The following SPINT2 variants were observed in gnomAD, a reference collection of about 807,000 sequenced individuals.
SPINT2 encodes the protein kunitz-type protease inhibitor 2.
SPINT2 carries 18 observed loss-of-function variants against 30.1 expected under a neutral mutation model. The observed-to-expected ratio is 0.60, with a 90% confidence interval of 0.41 to 0.89. SPINT2 has a LOEUF of 0.89. Ranked by LOEUF, SPINT2 falls within the 40% of genes least tolerant of loss-of-function variation. The pLI, the probability that SPINT2 is intolerant of heterozygous loss-of-function variation, is 0.00. For missense variants in SPINT2, 276 were observed against 334.3 expected, an observed-to-expected ratio of 0.83 and a Z score of 1.36; for synonymous variants, 139 against 137.9, an observed-to-expected ratio of 1.01 and a Z score of -0.05.
At chr19:38,277,798 T>C in intron 1 of SPINT2, among the ~76,000 whole-genome samples, 1 of 152,232 alleles carries the variant, frequency 6.6e-6, no homozygotes, top group Non-Finnish European at 1.5e-5. Context: ...CTTTTGCCAT[T>C]TCTGATGCTT....
chr19:38,264,755 A>G lies in SPINT2; in HGVS notation c.-138A>G, dbSNP rs1968355743. ...AAAGGCGACTTCCGGGGGCTTTGGC[A>G]CCTGGCGGACCCTCCCGGAGCGTCG... On this transcript the variant is annotated 5_prime_UTR_variant, in exon 1 of 7. Transcript: ENST00000301244. The G allele has an allele frequency of 1.1e-6, 1 of 891,994 alleles. No homozygotes were observed. The highest frequency in any genetic ancestry group is 1.7e-6 in the Non-Finnish European group (1 of 591,432). 55.3% of individuals were successfully genotyped at this position (891,994 alleles called of 1,614,324 possible).
chr19:38,278,656 G>A (rs186031803), intron 1 of SPINT2, among the ~76,000 whole-genome samples: 1 of 152,246 alleles, frequency 6.6e-6, no homozygotes, highest in Admixed American at 6.5e-5. Context: ...ATTAAAGTTA[G>A]CCAGGCGTGG....
intron 1 of SPINT2, chr19:38,265,234 A>T: frequency 2.1e-6 from 1 of 466,698 alleles, no homozygotes; most frequent in East Asian, 3.9e-5. Context: ...CGGGTGGAGG[A>T]AGAGTCAAGG....
At chr19:38,269,818 C>T (rs1421882554) in intron 1 of SPINT2, among the ~76,000 whole-genome samples, 1 of 152,116 alleles carries the variant, frequency 6.6e-6, no homozygotes, top group Non-Finnish European at 1.5e-5. Flanking sequence ...ACCGTGTTAG[C>T]CAGGATGGTC....
rs371687394 is a variant in SPINT2, at chr19:38,266,089, G to A, written c.106+1091G>A. On this transcript the variant is annotated intron_variant, in intron 1 of 6. Coordinates refer to ENST00000301244, the MANE Select transcript of SPINT2 (RefSeq NM_021102.4). The stretch of plus-strand genomic sequence containing the variant: ...ATGAAGAATGAGGCAGTAGCCACAC[G>A]GAGACCTGGGGGACCAGTGTCCAGT... Among the ~76,000 whole-genome samples, 3 of 152,212 alleles carry A rather than the reference G, an allele frequency of 2.0e-5. 1 individual carries two copies. The highest frequency in any genetic ancestry group is 1.9e-4 in the East Asian group (1 of 5,200).
At chr19:38,285,289 G>T (rs905807632) in intron 2 of SPINT2, among the ~76,000 whole-genome samples, 1 of 152,208 alleles carries the variant, frequency 6.6e-6, no homozygotes, top group Non-Finnish European at 1.5e-5. Context: ...CTTTGGGGCT[G>T]CTCCATCCCG....
chr19:38,289,599 T>C (rs917397035), intron 4 of SPINT2: 3 of 238,454 alleles, frequency 1.3e-5, no homozygotes, highest in Non-Finnish European at 2.5e-5. Flanking sequence ...GAGGAAGTTG[T>C]AGAGCAGGGC....
At chr19:38,291,530 T>G (rs1968718491) in intron 6 of SPINT2, 1 of 366,066 alleles carries the variant, frequency 2.7e-6, no homozygotes. Flanking sequence ...CTGGGGCTCC[T>G]GTGCAGGTTG....
intron 1 of SPINT2, among the ~76,000 whole-genome samples, chr19:38,266,261 T>C (rs61410367): frequency 1.8e-3 from 269 of 152,110 alleles, no homozygotes; most frequent in African/African-American, 6.2e-3. Context: ...TGCAGCCAGA[T>C]GGCCTAGGGC....
chr19:38,267,274 CTT>C (rs922593970), intron 1 of SPINT2, among the ~76,000 whole-genome samples: 1 of 152,098 alleles, frequency 6.6e-6, no homozygotes, highest in Non-Finnish European at 1.5e-5. Flanking sequence ...GCAGTTTTGA[CTT>C]TTTTTTCCTC....
At position 38,291,991 on chromosome 19, in the gene SPINT2, C is replaced by A; in HGVS notation, c.744C>A (p.Asn248Lys). Residue 248 changes from asparagine (N) to lysine (K), a missense_variant, in exon 7 of 7, where the codon AAC (asparagine) becomes AAA (lysine). Coordinates refer to ENST00000301244, the MANE Select transcript of SPINT2 (RefSeq NM_021102.4). ...SGDDKEQLVK[N>K]TYVL ...ATGACAAGGAGCAGCTGGTGAAGAA[C>A]ACATATGTCCTGTGACCGCCCTGTC... The A allele has an allele frequency of 2.5e-6, 4 of 1,614,086 alleles. No individual in the cohort carries two copies. The highest frequency in any genetic ancestry group is 3.4e-6 in the Non-Finnish European group (4 of 1,180,014).
rs1166445563 is a variant in SPINT2, at chr19:38,290,343, T to G, written c.553+63T>G. 5.7e-6 allele frequency: 9 copies of G among 1,590,576 alleles called. No homozygotes were observed. Among genetic ancestry groups the G allele is most frequent in the African/African-American group, 2.7e-5 (2 of 74,304 alleles). On this transcript the variant is annotated intron_variant, in intron 5 of 6. Coordinates refer to ENST00000301244, the MANE Select transcript of SPINT2 (RefSeq NM_021102.4). The surrounding 1 kb of genome is among the most constrained non-coding windows in gnomAD (Gnocchi z 4.3). ...TTGAGGACCCCGGTCCATCTCCCCA[T>G]CCCTAAAATATGAAGGCCTTGGAAA...
intron 2 of SPINT2, among the ~76,000 whole-genome samples, chr19:38,286,682 C>CT: frequency 6.6e-6 from 1 of 152,176 alleles, no homozygotes; most frequent in Non-Finnish European, 1.5e-5. Flanking sequence ...ACTCCAGAGG[C>CT]TGAGGCAGGA....
chr19:38,283,868 G>A, intron 2 of SPINT2, 71 bp downstream of exon 2: 1 of 1,421,720 alleles, frequency 7.0e-7, no homozygotes, highest in Non-Finnish European at 9.3e-7. Context: ...TTGAGACGGA[G>A]TCTTGCTCTG....
intron 1 of SPINT2, among the ~76,000 whole-genome samples, chr19:38,278,120 C>G (rs1034784772): frequency 2.6e-5 from 4 of 152,222 alleles, no homozygotes; most frequent in African/African-American, 9.6e-5. Context: ...CCATTTCCCC[C>G]CCAGCCCTGG....
In SPINT2 at chr19:38,292,040, G is replaced by A. The variant is rs1354718901; in HGVS notation, c.*34G>A. ...TCGCCAAGAGGACTGGGGAAGGGAG[G>A]GGAGACTATGTGTGAGCTTTTTTTA... On this transcript the variant is annotated 3_prime_UTR_variant, in exon 7 of 7. Coordinates refer to ENST00000301244, the MANE Select transcript of SPINT2 (RefSeq NM_021102.4). 1 of 1,612,076 alleles carries A rather than the reference G, an allele frequency of 6.2e-7. No individual in the cohort carries two copies. Among genetic ancestry groups the A allele is most frequent in the Non-Finnish European group, 8.5e-7 (1 of 1,179,288 alleles).
chr19:38,265,088 G>A, intron 1 of SPINT2, 90 bp downstream of exon 1: 1 of 1,008,756 alleles, frequency 9.9e-7, no homozygotes, highest in Non-Finnish European at 1.4e-6. Flanking sequence ...ACTGGCGGGG[G>A]AGGAAACTGG....
intron 1 of SPINT2, among the ~76,000 whole-genome samples, chr19:38,274,161 G>A (rs530519646): frequency 3.3e-5 from 5 of 152,064 alleles, no homozygotes; most frequent in African/African-American, 1.2e-4. Context: ...CACAGGTCAA[G>A]GCTACTGTGA....
chr19:38,274,770 G>A (rs532111804), intron 1 of SPINT2, among the ~76,000 whole-genome samples: 2 of 150,738 alleles, frequency 1.3e-5, no homozygotes, highest in Admixed American at 6.6e-5. Context: ...AGCCTAGATC[G>A]CACTATTGCA....
Sources: allele counts gnomAD v4.1 joint callset (sites outside exome capture counted in the v4.1 genomes callset), GRCh38; gene constraint gnomAD v4.1.1; non-coding constraint Gnocchi (gnomAD v3.1); transcripts MANE v1.5; gene names NCBI Gene and HGNC (gene_info 2026-07-23, HGNC 2026-07-21).